Variants in CCDC180 observed in about 807,000 individuals in gnomAD.
The protein encoded by CCDC180 is coiled-coil domain containing 180, also known as coiled-coil domain-containing protein 180.
Under a neutral mutation model 209.2 loss-of-function variants are expected in CCDC180, and 154 were observed. The ratio of observed to expected loss-of-function variants is 0.74; its 90% CI spans 0.65 to 0.84. The LOEUF is 0.84. Ranked by LOEUF, CCDC180 falls within the 40% of genes least tolerant of loss-of-function variation. The probability of loss-of-function intolerance (pLI) is 0.00; values close to 1 mark genes in which losing one functional copy is unlikely to be tolerated. For missense variants in CCDC180, 1,874 were observed against 1,997.3 expected (o/e 0.94, Z 1.18); for synonymous variants, 778 against 749.1 (o/e 1.04, Z -0.63).
At chr9:97,368,398 G>C (rs909262132) in intron 31 of CCDC180, among the ~76,000 whole-genome samples, 3 of 152,152 alleles carry the variant, frequency 2.0e-5, no homozygotes, top group Admixed American at 2.0e-4. Flanking sequence ...CTCCAAAGTG[G>C]GAAGTCTAAA....
At chr9:97,355,087 C>T (rs1826539500) in intron 24 of CCDC180, 79 bp downstream of exon 24, 2 of 892,252 alleles carry the variant, frequency 2.2e-6, no homozygotes, top group Non-Finnish European at 3.7e-6. Context: ...TGCTAGGAGG[C>T]CATTGTGGTC....
chr9:97,360,012 G>A lies in CCDC180; in HGVS notation c.3394G>A (p.Val1132Ile), dbSNP rs181290710. 5.8e-5 allele frequency: 93 copies of A among 1,613,532 alleles called. No homozygotes were observed. Among genetic ancestry groups the A allele is most frequent in the Middle Eastern group, 3.3e-4 (2 of 6,078 alleles). Residue 1132 changes from valine to isoleucine, a missense_variant, in exon 26 of 37, where the codon GTC (valine) becomes ATC (isoleucine). Physicochemically the swap from Val to Ile is conservative, Grantham distance 29. Transcript: ENST00000529487. ...GACCACAGAAGAACTCCTCAGCTTC[G>A]TCCAAACTTGGAAGGAAAAACTGAG... ...TVTTEELLSF[V>I]QTWKEKLSQR...
chr9:97,338,630 T>C (rs888868450), intron 18 of CCDC180, among the ~76,000 whole-genome samples: 3 of 152,226 alleles, frequency 2.0e-5, no homozygotes, highest in Non-Finnish European at 4.4e-5. Flanking sequence ...GAGAAGAATG[T>C]ATATTCTGTT....
chr9:97,314,490 A>G lies in CCDC180; in HGVS notation c.557A>G (p.Asn186Ser), dbSNP rs1418587689. ...EMNRLFLKVE[N>S]DTNLEDYTIQ... ...AACCGTCTCTTCCTAAAGGTGGAAA[A>G]TGACACCAACCTTGAGGACTACACC... Residue 186 changes from asparagine to serine, a missense_variant, in exon 6 of 37, where the codon AAT becomes AGT. By Grantham distance (46) the Asn-to-Ser change is conservative (BLOSUM62 1). Coordinates refer to ENST00000529487, the MANE Select transcript of CCDC180 (RefSeq NM_020893.6). The G allele has an allele frequency of 1.2e-6, 2 of 1,614,036 alleles. No homozygotes were observed. Among genetic ancestry groups the G allele is most frequent in the African/African-American group, 1.3e-5 (1 of 74,914 alleles).
chr9:97,309,923 G>A (rs911711662), intron 3 of CCDC180, among the ~76,000 whole-genome samples: 1 of 152,228 alleles, frequency 6.6e-6, no homozygotes, highest in Non-Finnish European at 1.5e-5. Context: ...TTAAGGGGAT[G>A]GGGCTATGGG....
chr9:97,347,193 G>A, intron 19 of CCDC180, 121 bp from the exon 20 acceptor site: 1 of 929,838 alleles, frequency 1.1e-6, no homozygotes, highest in Non-Finnish European at 1.6e-6. Context: ...GAAATGCAAT[G>A]TAGCTGGGAA....
At chr9:97,349,805 C>T (rs1160082714) in intron 21 of CCDC180, among the ~76,000 whole-genome samples, 3 of 152,150 alleles carry the variant, frequency 2.0e-5, no homozygotes, top group Admixed American at 2.0e-4. Context: ...TGGCAAGTGT[C>T]TACGCAGCCA....
intron 21 of CCDC180, 72 bp from the exon 22 acceptor site, chr9:97,350,337 C>A: frequency 6.9e-7 from 1 of 1,453,314 alleles, no homozygotes; most frequent in South Asian, 1.3e-5. Flanking sequence ...TGATCACCAT[C>A]ACCACCTGCC....
intron 16 of CCDC180, among the ~76,000 whole-genome samples, chr9:97,328,823 G>A (rs906626530): frequency 1.8e-4 from 28 of 152,314 alleles, no homozygotes; most frequent in African/African-American, 6.3e-4. Flanking sequence ...GGAGTCTGGA[G>A]AACCCAACTA....
At position 97,362,259 on chromosome 9, in the gene CCDC180, C is replaced by T. The variant is rs760356437; in HGVS notation, c.3720C>T (p.Gly1240=). 4.4e-5 allele frequency: 71 copies of T among 1,614,032 alleles called. No individual in the cohort carries two copies. In the East Asian group the frequency reaches 1.2e-3, roughly 27 times the overall value. The change falls in exon 28 of 37, where the codon GGC becomes GGT. Residue 1240 remains glycine, a synonymous_variant. Transcript: ENST00000529487. ...AAGATCCGTCCCAGACAGGTAGAGG[C>T]GCATGGGCCTGTGGGTCTCGGGGCA... ...CDKDPSQTGR[G]AWACGSRGSS...
In CCDC180 at chr9:97,307,992, T is replaced by C; in HGVS notation, c.-72T>C. On this transcript the variant is annotated 5_prime_UTR_variant, in exon 2 of 37. Coordinates refer to ENST00000529487, the MANE Select transcript of CCDC180 (RefSeq NM_020893.6). ...GATTTCCCAACCTCAGGAATTGGAA[T>C]TGAGACACCAAAGCCTAGACGCGTT... 3.8e-6 allele frequency: 6 copies of C among 1,597,516 alleles called. No individual in the cohort carries two copies. Among genetic ancestry groups the C allele is most frequent in the African/African-American group, 1.3e-5 (1 of 74,502 alleles).
At chr9:97,314,278 A>C in intron 5 of CCDC180, 115 bp from the exon 6 acceptor site, 3 of 1,256,928 alleles carry the variant, frequency 2.4e-6, no homozygotes, top group Non-Finnish European at 3.4e-6. Flanking sequence ...AGGTCTAGGC[A>C]ATGATCATCA....
At position 97,371,302 on chromosome 9, in the gene CCDC180, C is replaced by G. The variant is rs1827095471; in HGVS notation, c.4489-293C>G. 1.2e-5 allele frequency: 3 copies of G among 240,954 alleles called. No homozygotes were observed. The Admixed American group carries it at 1.5e-4, about 12-fold the overall frequency. The allele number at this position is 240,954 out of a possible 1,614,324, so 14.9% of individuals were successfully genotyped here. The stretch of plus-strand genomic sequence containing the variant: ...TTTTGACTTCTAAATTAATTAATTA[C>G]AAAATTACTGACGATAACTTTTATT... On this transcript the variant is annotated intron_variant, in intron 33 of 36. Coordinates refer to ENST00000529487, the MANE Select transcript of CCDC180 (RefSeq NM_020893.6).
chr9:97,369,117 A>G (rs979001754), intron 31 of CCDC180, among the ~76,000 whole-genome samples: 12 of 152,252 alleles, frequency 7.9e-5, no homozygotes, highest in Non-Finnish European at 1.6e-4. Context: ...ACCAGGTTAC[A>G]TATAGCTGAA....
chr9:97,315,016 G>A (rs563977679), intron 8 of CCDC180, 70 bp downstream of exon 8: 15 of 1,169,578 alleles, frequency 1.3e-5, no homozygotes, highest in Admixed American at 7.1e-5. Flanking sequence ...AGGGCACCCC[G>A]AGCCTGGTGT....
At position 97,314,942 on chromosome 9, in the gene CCDC180, C is replaced by A. The variant is rs200147512; in HGVS notation, c.791C>A (p.Ala264Asp). 54 of 1,613,108 alleles carry A rather than the reference C, an allele frequency of 3.3e-5. No individual in the cohort carries two copies. Among genetic ancestry groups the A allele is most frequent in the Non-Finnish European group, 1.0e-5 (12 of 1,179,246 alleles). The change falls in exon 8 of 37, where the codon GCC (alanine) becomes GAC (aspartate). Residue 264 changes from alanine (A) to aspartate (D), a missense_variant. By Grantham distance (126) the Ala-to-Asp change is moderately radical. Coordinates refer to ENST00000529487, the MANE Select transcript of CCDC180 (RefSeq NM_020893.6). ...PEVYRLINEE[A>D]MVMNYALLGN... ...GTGTACAGGCTGATAAATGAAGAAG[C>A]CATGGTGAGTGGTTTTCCTGTGCAG...
intron 20 of CCDC180, among the ~76,000 whole-genome samples, chr9:97,347,892 T>C (rs750041520): frequency 4.6e-5 from 7 of 152,130 alleles, no homozygotes; most frequent in Non-Finnish European, 1.0e-4. Context: ...TGTGACCCTA[T>C]ACAGCTTACC....
At position 97,330,186 on chromosome 9, in the gene CCDC180, G is replaced by A. The variant is rs1825691722; in HGVS notation, c.1821G>A (p.Arg607=). 1.2e-6 allele frequency: 2 copies of A among 1,613,822 alleles called. No homozygotes were observed. The highest frequency in any genetic ancestry group is 1.7e-4 in the Middle Eastern group (1 of 6,056). ...CTGGAGAAGTCATTTTCAAATTCAG[G>A]CAACCAGGTAACACTTTTTCAATTC... is the stretch of plus-strand genomic sequence containing the variant. ...NLAGEVIFKF[R]QPEAHEKPSQ... is the part of the protein sequence containing the mutation. The change falls in exon 17 of 37, where the codon AGG becomes AGA. Residue 607 remains arginine, a synonymous_variant. Transcript: ENST00000529487.
rs1833201002 is a variant in CCDC180, at chr9:97,317,126, T to C, written c.857T>C (p.Met286Thr). Residue 286 changes from methionine to threonine, a missense_variant, in exon 9 of 37, where the codon ATG (methionine) becomes ACG (threonine). By Grantham distance (81) the Met-to-Thr change is moderately conservative (BLOSUM62 -1). Coordinates refer to ENST00000529487, the MANE Select transcript of CCDC180 (RefSeq NM_020893.6). ...CTCGCCCAGCTGTTTGTCAACCTGA[T>C]GGAGTCCACCCTGCAGCAGGAGCTG... ...KALAQLFVNL[M>T]ESTLQQELDS... The C allele has an allele frequency of 1.9e-6, 3 of 1,613,366 alleles. No individual in the cohort carries two copies. The highest frequency in any genetic ancestry group is 1.1e-5 in the South Asian group (1 of 91,070).
Sources: allele counts gnomAD v4.1 joint callset (sites outside exome capture counted in the v4.1 genomes callset), GRCh38; gene constraint gnomAD v4.1.1; transcripts MANE v1.5; gene names NCBI Gene and HGNC (gene_info 2026-07-23, HGNC 2026-07-21).